WDFY4: variants seen among roughly 807,000 people sequenced by gnomAD.
The protein encoded by WDFY4 is WD repeat- and FYVE domain-containing protein 4.
WDFY4 carries 169 observed loss-of-function variants against 351.9 expected under a neutral mutation model. The observed-to-expected ratio is 0.48, with a 90% CI of 0.42 to 0.55. WDFY4 has a LOEUF of 0.55. Among genes scored for constraint, WDFY4 ranks in the 20% least tolerant of loss-of-function variants. The pLI, the probability that WDFY4 is intolerant of heterozygous loss-of-function variation, is 0.00. For missense variants in WDFY4, 3,803 were observed against 3,935.6 expected (o/e 0.97, Z 0.90); for synonymous variants, 1,622 against 1,574.6 (o/e 1.03, Z -0.71).
chr10:48,787,906 CT>C (rs1565198641), intron 20 of WDFY4, among the ~76,000 whole-genome samples: 8 of 32,310 alleles, frequency 2.5e-4, no homozygotes, highest in Non-Finnish European at 4.0e-4. Context: ...TCTTCTTCTT[CT>C]TCTTCTTCTT....
rs1170247586 is a variant in WDFY4, at chr10:48,743,566, T to C, written c.2459+18T>C. The C allele has an allele frequency of 7.2e-6, 11 of 1,525,638 alleles. No individual in the cohort carries two copies. The highest frequency in any genetic ancestry group is 2.0e-5 in the Admixed American group (1 of 50,654). 94.5% of individuals were successfully genotyped at this position (1,525,638 alleles called of 1,614,324 possible). A position where few individuals can be genotyped will look rare whatever the true frequency, so the allele number is the denominator to read the frequency against. ...GAGGAGAGGTAGCTTCTTCTGCCAG[T>C]GTGTCATCAGTGCATCTCTGTCTCC... On this transcript the variant is annotated intron_variant, in intron 12 of 61. Transcript: ENST00000325239.
chr10:48,957,066 G>A, intron 51 of WDFY4, 63 bp from the exon 52 acceptor site: 1 of 1,523,534 alleles, frequency 6.6e-7, no homozygotes, highest in Non-Finnish European at 8.8e-7. Context: ...AGAATGGACG[G>A]TGCCTGGCCA....
At chr10:48,833,607 A>G (rs906747558) in intron 39 of WDFY4, among the ~76,000 whole-genome samples, 2 of 152,232 alleles carry the variant, frequency 1.3e-5, no homozygotes, top group African/African-American at 2.4e-5. Flanking sequence ...CTGCAGGAAC[A>G]TGTGGGACTG....
chr10:48,852,257 A>T (rs1564417739), intron 39 of WDFY4, among the ~76,000 whole-genome samples: 2 of 152,214 alleles, frequency 1.3e-5, no homozygotes, highest in African/African-American at 2.4e-5. Flanking sequence ...GCCCATAGTG[A>T]CAGAGTCCAA....
At chr10:48,863,115 G>T (rs949255988) in intron 39 of WDFY4, among the ~76,000 whole-genome samples, 7 of 152,096 alleles carry the variant, frequency 4.6e-5, no homozygotes, top group African/African-American at 1.7e-4. Flanking sequence ...TGGACATTTA[G>T]GTTGTTTCCA....
At chr10:48,910,049 C>T (rs1457736314) in intron 47 of WDFY4, 27 of 572,032 alleles carry the variant, frequency 4.7e-5, no homozygotes, top group Non-Finnish European at 1.9e-5. Context: ...TTTTCACACA[C>T]AGGTGGGCTA....
Position 48,982,689 on chromosome 10 carries a change from G to A in WDFY4, c.*114G>A. The A allele has an allele frequency of 1.9e-6, 2 of 1,072,774 alleles. No homozygotes were observed. Among genetic ancestry groups the A allele is most frequent in the Non-Finnish European group, 1.4e-6 (1 of 727,336 alleles). 66.5% of individuals were successfully genotyped at this position (1,072,774 alleles called of 1,614,324 possible). A position where few individuals can be genotyped will look rare whatever the true frequency, so the allele number is the denominator to read the frequency against. ...AACCCCCAGGGCCTCCTTCCCCACAGTTCTCAAGGAAGGGCCTCTGGCAAT... is the reference window on the plus strand; with the variant it reads ...AACCCCCAGGGCCTCCTTCCCCACAATTCTCAAGGAAGGGCCTCTGGCAAT... On this transcript the variant is annotated 3_prime_UTR_variant, in exon 62 of 62. Transcript: ENST00000325239.
rs943520094 is a variant in WDFY4, at chr10:48,789,286, T to C, written c.3955-588T>C. Among the ~76,000 whole-genome samples the C allele has an allele frequency of 2.0e-5, 3 of 152,244 alleles. No individual in the cohort carries two copies. In the South Asian group the frequency reaches 6.2e-4, roughly 32 times the overall value. ...ATTAAATTTACTTCCAATTTTTGCATAAAGAGCTCTTTTGCTTAGCACTGA... is the reference window on the plus strand; with the variant it reads ...ATTAAATTTACTTCCAATTTTTGCACAAAGAGCTCTTTTGCTTAGCACTGA... On this transcript the variant is annotated intron_variant, in intron 21 of 61. Transcript: ENST00000325239.
At chr10:48,924,108 G>T (rs1320711390) in intron 47 of WDFY4, among the ~76,000 whole-genome samples, 1 of 152,246 alleles carries the variant, frequency 6.6e-6, no homozygotes, top group Non-Finnish European at 1.5e-5. Context: ...GGTAAAGTGA[G>T]GGCTGGCTAG....
At chr10:48,725,783 A>G (rs2064248110) in intron 5 of WDFY4, 98 bp from the exon 6 acceptor site, 5 of 1,225,336 alleles carry the variant, frequency 4.1e-6, no homozygotes, top group South Asian at 1.5e-5. Context: ...TCACAGAGAC[A>G]TGCTCATCAG....
rs750050738 is a variant in WDFY4 at position 48,900,206 on chromosome 10, G to A, written c.7438-15G>A. 3.2e-6 allele frequency: 5 copies of A among 1,548,388 alleles called. No homozygotes were observed. Among genetic ancestry groups the A allele is most frequent in the South Asian group, 2.4e-5 (2 of 83,502 alleles). On this transcript the variant is annotated splice_polypyrimidine_tract_variant and intron_variant, in intron 45 of 61. Coordinates refer to ENST00000325239, the MANE Select transcript of WDFY4 (RefSeq NM_001394531.1). ...ACAAAATATCAGGAGCATTAAAAGG[G>A]GCTTCTCTTCACAGGACATCGCCCT... is the stretch of plus-strand genomic sequence containing the variant.
chr10:48,751,365 G>A (rs748283448), intron 12 of WDFY4, among the ~76,000 whole-genome samples: 17 of 152,182 alleles, frequency 1.1e-4, no homozygotes, highest in African/African-American at 2.9e-4. Context: ...GGCATTGCTC[G>A]GACTTTAAGC....
chr10:48,954,795 T>A (rs1179635115), intron 51 of WDFY4, among the ~76,000 whole-genome samples: 2 of 152,260 alleles, frequency 1.3e-5, no homozygotes, highest in East Asian at 1.9e-4. Flanking sequence ...CAAATACATT[T>A]ATTAATATAG....
At chr10:48,694,665 C>T (rs548300421) in intron 1 of WDFY4, among the ~76,000 whole-genome samples, 25 of 152,232 alleles carry the variant, frequency 1.6e-4, no homozygotes, top group Admixed American at 2.0e-4. Flanking sequence ...CTTGCCACTC[C>T]GGACTCTCTG....
chr10:48,969,113 C>A lies in WDFY4; in HGVS notation c.8634C>A (p.Gly2878=), dbSNP rs374081713. The A allele has an allele frequency of 1.9e-6, 3 of 1,551,764 alleles. No individual in the cohort carries two copies. Among genetic ancestry groups the A allele is most frequent in the East Asian group, 4.9e-5 (2 of 40,924 alleles). The change falls in exon 56 of 62, where the codon GGC becomes GGA. Residue 2878 remains glycine, a synonymous_variant. Transcript: ENST00000325239. The part of the protein sequence containing the change: ...LGSESPKGAI[G]HIVSTEKTIL... ...CAGAGTCCCCCAAAGGGGCCATTGG[C>A]CACATTGTCTCTACTGAGAAGACCA... is the stretch of plus-strand genomic sequence containing the variant.
intron 30 of WDFY4, 50 bp downstream of exon 30, chr10:48,811,758 A>G (rs1218947120): frequency 7.2e-6 from 11 of 1,534,180 alleles, no homozygotes; most frequent in Non-Finnish European, 9.7e-6. Flanking sequence ...TTCTGATTCC[A>G]CATGACTAAG....
Position 48,885,141 on chromosome 10 carries a change from A to G in WDFY4, c.7168-5438A>G, listed in dbSNP as rs142232894. 3.7e-3 allele frequency among the ~76,000 whole-genome samples: 565 copies of G among 152,238 alleles called. 6 individuals carry two copies. The highest frequency in any genetic ancestry group is 0.013 in the African/African-American group (541 of 41,546). Reference sequence around the variant, plus strand: ...GTATGGGCTTCAGATCACCTGCATCAGAATCTTCTGGGTTGCTTAATAAAA... The same window carrying G: ...GTATGGGCTTCAGATCACCTGCATCGGAATCTTCTGGGTTGCTTAATAAAA... On this transcript the variant is annotated intron_variant, in intron 43 of 61. Transcript: ENST00000325239.
intron 47 of WDFY4, among the ~76,000 whole-genome samples, chr10:48,906,342 C>G (rs1351425860): frequency 5.9e-5 from 9 of 152,112 alleles, no homozygotes; most frequent in Non-Finnish European, 1.2e-4. Context: ...TTTGCTGAGG[C>G]TTTCAGTGAC....
At position 48,866,013 on chromosome 10, in the gene WDFY4, C is replaced by T. The variant is rs75135418; in HGVS notation, c.6664-1252C>T. ...CCTAGCTAAAGACTGCCAATTTTATCGATCTTTCCAAAGTACCAGATTTTA... is the reference window on the plus strand; with the variant it reads ...CCTAGCTAAAGACTGCCAATTTTATTGATCTTTCCAAAGTACCAGATTTTA... On this transcript the variant is annotated intron_variant, in intron 39 of 61. Coordinates refer to ENST00000325239, the MANE Select transcript of WDFY4 (RefSeq NM_001394531.1). Among the ~76,000 whole-genome samples the T allele has an allele frequency of 1.5e-3, 235 of 152,118 alleles. 1 individual carries two copies. In the East Asian group the frequency reaches 0.019, roughly 12 times the overall value.
Sources: gnomAD v4.1 joint callset for allele counts (sites outside exome capture counted in the v4.1 genomes callset) on GRCh38, gnomAD v4.1.1 for gene constraint, MANE v1.5 for transcripts, NCBI Gene and HGNC (gene_info 2026-07-23, HGNC 2026-07-21) for gene names.